Variants in ANKS3 observed in about 807,000 individuals in gnomAD.
ANKS3 encodes ankyrin repeat and sterile alpha motif domain containing 3, also known as ankyrin repeat and SAM domain-containing protein 3.
ANKS3 carries 62 observed loss-of-function variants against 80.7 expected under a neutral mutation model. That is an observed-to-expected ratio of 0.77 (90% CI 0.63 to 0.95). ANKS3 has a LOEUF of 0.95. Among genes scored for constraint, ANKS3 ranks in the 40% least tolerant of loss-of-function variants. ANKS3 has a pLI of 0.00. For missense variants in ANKS3, 1,150 were observed against 883.6 expected (o/e 1.30, Z -3.82); for synonymous variants, 489 against 355.3 (o/e 1.38, Z -4.23).
chr16:4,699,173 G>A lies in ANKS3; in HGVS notation c.1288C>T (p.Leu430Phe). ...QRAPYSGPQDLAALLEQIGCL... is the reference protein window; with the variant it reads ...QRAPYSGPQDFAALLEQIGCL... ...CCGATCTGCTCCAGCAGTGCGGCAA[G>A]GTCCTGGCAGGCACAGGGGACAGGT... Residue 430 changes from leucine (L) to phenylalanine (F), a missense_variant, in exon 12 of 18, where the codon CTT (leucine) becomes TTT (phenylalanine). Transcript: ENST00000304283. 1.2e-6 allele frequency: 2 copies of A among 1,613,996 alleles called. No homozygotes were observed. The highest frequency in any genetic ancestry group is 1.3e-5 in the African/African-American group (1 of 75,068).
chr16:4,706,871 G>C (rs2080221744), intron 7 of ANKS3, among the ~76,000 whole-genome samples: 1 of 152,206 alleles, frequency 6.6e-6, no homozygotes. Context: ...CTGACACTGA[G>C]AAAGGAGCTG....
chr16:4,701,136 T>C lies in ANKS3; in HGVS notation c.1120-2A>G. 1 of 1,613,810 alleles carries C rather than the reference T, an allele frequency of 6.2e-7. No individual in the cohort carries two copies. Among genetic ancestry groups the C allele is most frequent in the Non-Finnish European group, 8.5e-7 (1 of 1,180,024 alleles). On this transcript the variant is annotated splice_acceptor_variant, in intron 10 of 17. Transcript: ENST00000304283. LOFTEE classifies it high-confidence loss of function. ...GCTTTTACAGGCATGATCCGAGTCC[T>C]GCAGTGAGAGGCGTGCATCTGAAAG...
chr16:4,721,147 T>C (rs558028778), intron 6 of ANKS3, among the ~76,000 whole-genome samples: 24 of 141,216 alleles, frequency 1.7e-4, no homozygotes, highest in African/African-American at 5.8e-4. Context: ...CTACTAAAAA[T>C]ATGAAAAATT....
rs1317868555 is a variant in ANKS3, at chr16:4,701,540, T to G, written c.1013A>C (p.Glu338Ala). 4.4e-6 allele frequency: 7 copies of G among 1,608,360 alleles called. No individual in the cohort carries two copies. Among genetic ancestry groups the G allele is most frequent in the Admixed American group, 1.7e-5 (1 of 59,784 alleles). ...ESSSSSSSRE[E>A]HAFCANLGPV... ...CCCCAGGTTGGCACAGAAAGCATGT[T>G]CCTCTGAGGGCGGGAAGACAGGGCG... The change falls in exon 10 of 18, where the codon GAA becomes GCA. Residue 338 changes from glutamate to alanine, a missense_variant. Physicochemically the swap from Glu to Ala is moderately radical, Grantham distance 107. Transcript: ENST00000304283.
chr16:4,698,780 TC>T lies in ANKS3; in HGVS notation c.1551+19del. On this transcript the variant is annotated intron_variant, in intron 13 of 17. Coordinates refer to ENST00000304283, the MANE Select transcript of ANKS3 (RefSeq NM_133450.4). ...TCACGGGTGTCACCCTGCCCCCCCA[TC>T]CCCCACCCAGCCACTCACCTTGTGC... The T allele has an allele frequency of 6.8e-7, 1 of 1,476,580 alleles. No individual in the cohort carries two copies. 91.5% of individuals were successfully genotyped at this position (1,476,580 alleles called of 1,614,324 possible). A position where few individuals can be genotyped will look rare whatever the true frequency, so the allele number is the denominator to read the frequency against.
rs769007502 is a variant in ANKS3 at position 4,701,061 on chromosome 16, C to A, written c.1193G>T (p.Ser398Ile). 1 of 1,614,116 alleles carries A rather than the reference C, an allele frequency of 6.2e-7. No homozygotes were observed. Among genetic ancestry groups the A allele is most frequent in the Non-Finnish European group, 8.5e-7 (1 of 1,180,040 alleles). ...KSYMKTKNPD[S>I]QWPPRAATDR... ...AGTTGCAGCGCGGGGAGGCCACTGGCTGTCAGGATTCTTGGTCTTCATGTA... is the reference window on the plus strand; with the variant it reads ...AGTTGCAGCGCGGGGAGGCCACTGGATGTCAGGATTCTTGGTCTTCATGTA... Residue 398 changes from serine to isoleucine, a missense_variant, in exon 11 of 18, where the codon AGC becomes ATC. By Grantham distance (142) the Ser-to-Ile change is moderately radical. Coordinates refer to ENST00000304283, the MANE Select transcript of ANKS3 (RefSeq NM_133450.4).
intron 6 of ANKS3, 21 bp from the exon 7 acceptor site, chr16:4,714,207 G>GAA (rs778693645): frequency 6.2e-7 from 1 of 1,613,212 alleles, no homozygotes; most frequent in East Asian, 2.2e-5. Context: ...CCGTGAAAGG[G>GAA]GGTTAGGGGC....
intron 1 of ANKS3, 26 bp downstream of exon 1, chr16:4,733,912 C>T: frequency 1.0e-6 from 1 of 985,474 alleles, no homozygotes; most frequent in Non-Finnish European, 1.2e-6. Flanking sequence ...CGGGGCGGGT[C>T]CCTGGCCGAC....
intron 10 of ANKS3, 76 bp from the exon 11 acceptor site, chr16:4,701,210 C>T (rs979523062): frequency 4.8e-5 from 77 of 1,597,896 alleles, no homozygotes; most frequent in Non-Finnish European, 6.4e-5. Context: ...ACCCGCCACA[C>T]AGGGGCTTGA....
intron 11 of ANKS3, chr16:4,700,706 TC>T (rs1567308172): frequency 1.7e-6 from 1 of 583,952 alleles, no homozygotes; most frequent in South Asian, 1.7e-5. Context: ...GCTTTTCTTC[TC>T]CCCAGGCTCA....
chr16:4,724,994 T>C (rs2081284435), intron 5 of ANKS3, 163 bp from the exon 6 acceptor site: 1 of 576,610 alleles, frequency 1.7e-6, no homozygotes, highest in Admixed American at 3.3e-5. Context: ...ACAGTGAATA[T>C]AACACATCAG....
At chr16:4,720,860 C>T (rs539504832) in intron 6 of ANKS3, among the ~76,000 whole-genome samples, 18 of 150,324 alleles carry the variant, frequency 1.2e-4, no homozygotes, top group African/African-American at 4.1e-4. Flanking sequence ...TCGCTTGAAC[C>T]TGGGAGGCAG....
intron 5 of ANKS3, among the ~76,000 whole-genome samples, chr16:4,725,963 T>A (rs2081325616): frequency 7.4e-6 from 1 of 135,590 alleles, no homozygotes; most frequent in Non-Finnish European, 1.6e-5. Flanking sequence ...CGGCCAAAAC[T>A]CATGACTGTT....
intron 6 of ANKS3, chr16:4,714,433 G>A (rs1427946382): frequency 1.8e-6 from 1 of 549,866 alleles, no homozygotes; most frequent in Admixed American, 3.6e-5. Flanking sequence ...CCACGCTCAT[G>A]ACCTCCCTTG....
intron 6 of ANKS3, among the ~76,000 whole-genome samples, chr16:4,721,219 G>A (rs1308270287): frequency 6.7e-6 from 1 of 148,198 alleles, no homozygotes; most frequent in Non-Finnish European, 1.5e-5. Flanking sequence ...GCAGGAGAAT[G>A]GTGTGAACCC....
At chr16:4,712,038 C>T (rs1256851038) in intron 7 of ANKS3, among the ~76,000 whole-genome samples, 1 of 152,136 alleles carries the variant, frequency 6.6e-6, no homozygotes, top group Non-Finnish European at 1.5e-5. Flanking sequence ...ATGAAGTAAA[C>T]ACTGATACCC....
chr16:4,717,113 A>C (rs1200542508), intron 6 of ANKS3, among the ~76,000 whole-genome samples: 1 of 151,424 alleles, frequency 6.6e-6, no homozygotes, highest in African/African-American at 2.4e-5. Flanking sequence ...GTGGTGGCAC[A>C]CGTCTGTACT....
At chr16:4,698,620 CG>C in intron 13 of ANKS3, 21 bp from the exon 14 acceptor site, 2 of 1,539,440 alleles carry the variant, frequency 1.3e-6, no homozygotes, top group Non-Finnish European at 8.7e-7. Context: ...GTGGGGGGCG[CG>C]GGGAGGCTGG....
In ANKS3 at chr16:4,724,741, G is replaced by T; in HGVS notation, c.573+9C>A. The T allele has an allele frequency of 6.2e-7, 1 of 1,611,014 alleles. No individual in the cohort carries two copies. The highest frequency in any genetic ancestry group is 1.3e-5 in the African/African-American group (1 of 74,962). ...ACTACATTACATGCTAATAATCAGG[G>T]TCACTTACGTGATTCAGAAAATACT... On this transcript the variant is annotated intron_variant, in intron 6 of 17. Coordinates refer to ENST00000304283, the MANE Select transcript of ANKS3 (RefSeq NM_133450.4).
Sources: gnomAD v4.1 joint callset for allele counts (sites outside exome capture counted in the v4.1 genomes callset) on GRCh38, gnomAD v4.1.1 for gene constraint, MANE v1.5 for transcripts, NCBI Gene and HGNC (gene_info 2026-07-23, HGNC 2026-07-21) for gene names.